The following GNAO1 variants were observed in gnomAD, a reference collection of about 807,000 sequenced individuals.
The protein encoded by GNAO1 is guanine nucleotide-binding protein G(o) subunit alpha.
For synonymous variants in GNAO1, 164 were observed against 180.7 expected (o/e 0.91, Z 0.74); for missense variants, 166 against 478.7 (o/e 0.35, Z 6.10).
intron 2 of GNAO1, among the ~76,000 whole-genome samples, chr16:56,215,576 G>T (rs2036430246): frequency 1.3e-5 from 2 of 152,124 alleles, no homozygotes; most frequent in African/African-American, 4.8e-5. Context: ...AGATAATTGT[G>T]GTTGTTATTG....
intron 4 of GNAO1, among the ~76,000 whole-genome samples, chr16:56,331,404 G>A (rs1171052978): frequency 2.6e-5 from 4 of 152,140 alleles, no homozygotes; most frequent in Admixed American, 6.5e-5. Context: ...GGCGTCCGAC[G>A]TTTCCTCTCC....
chr16:56,224,110 G>C (rs1258129559), intron 2 of GNAO1, among the ~76,000 whole-genome samples: 1 of 152,192 alleles, frequency 6.6e-6, no homozygotes, highest in Non-Finnish European at 1.5e-5. Flanking sequence ...GCCAGTGCCT[G>C]TCTGGCCAGT....
At chr16:56,342,680 A>G (rs1179065836) in intron 6 of GNAO1, among the ~76,000 whole-genome samples, 1 of 152,228 alleles carries the variant, frequency 6.6e-6, no homozygotes, top group Non-Finnish European at 1.5e-5. Flanking sequence ...ACAGGAGGTG[A>G]TATCAAGGCC....
At position 56,194,327 on chromosome 16, in the gene GNAO1, G is replaced by A. The variant is rs1391560211; in HGVS notation, c.161+1711G>A. ...ACAAGGTGCATGTTGCATCTGTCTG[G>A]AGCCCTTGCAGATCTGTAAATGCAA... On this transcript the variant is annotated intron_variant, in intron 2 of 8. Coordinates refer to ENST00000262493, the MANE Select transcript of GNAO1 (RefSeq NM_020988.3). 21 of 452,506 alleles carry A rather than the reference G, an allele frequency of 4.6e-5. No individual in the cohort carries two copies. In the East Asian group the frequency reaches 1.5e-3, roughly 32 times the overall value. The allele number at this position is 452,506 out of a possible 1,614,324, so 28.0% of individuals were successfully genotyped here.
In GNAO1 at chr16:56,326,727, A is replaced by G. The variant is rs1164000322; in HGVS notation, c.304-1904A>G. Among the ~76,000 whole-genome samples the G allele has an allele frequency of 1.3e-5, 2 of 152,234 alleles. No individual in the cohort carries two copies. Among genetic ancestry groups the G allele is most frequent in the African/African-American group, 4.8e-5 (2 of 41,462 alleles). ...GCACCGACTCAAACTGCAGCCAGCT[A>G]TACACCTGAGGCAGTGAGCTCCATG... On this transcript the variant is annotated intron_variant, in intron 3 of 8. Transcript: ENST00000262493. The surrounding 1 kb of genome is among the most constrained non-coding windows in gnomAD (Gnocchi z 4.8).
chr16:56,287,931 C>T (rs559717829), intron 3 of GNAO1, among the ~76,000 whole-genome samples: 7 of 152,266 alleles, frequency 4.6e-5, no homozygotes, highest in African/African-American at 1.2e-4. Context: ...ACTGAGATGG[C>T]GCGCTGCATA....
At chr16:56,355,127 C>CAT in intron 8 of GNAO1, 46 bp downstream of exon 8, 2 of 162,556 alleles carry the variant, frequency 1.2e-5, no homozygotes. Flanking sequence ...CGCGCGCATA[C>CAT]ACACACACAC....
intron 3 of GNAO1, among the ~76,000 whole-genome samples, chr16:56,280,028 G>A (rs1386939220): frequency 6.6e-6 from 1 of 152,232 alleles, no homozygotes; most frequent in Non-Finnish European, 1.5e-5. Context: ...AGAAAAAAAG[G>A]CAAAGTGCCT....
intron 2 of GNAO1, among the ~76,000 whole-genome samples, chr16:56,222,227 T>TGGGA (rs1371869786): frequency 1.4e-5 from 2 of 139,990 alleles, no homozygotes; most frequent in African/African-American, 2.6e-5. Context: ...AGCATGTCAG[T>TGGGA]GGGAGGGAGG....
At chr16:56,250,282 G>T (rs2036788031) in intron 2 of GNAO1, among the ~76,000 whole-genome samples, 1 of 152,042 alleles carries the variant, frequency 6.6e-6, no homozygotes, top group South Asian at 2.1e-4. Flanking sequence ...GCTTACCAGG[G>T]GTCTTCAGAC....
chr16:56,306,061 T>A (rs1293251297), intron 3 of GNAO1, among the ~76,000 whole-genome samples: 2 of 152,254 alleles, frequency 1.3e-5, no homozygotes, highest in African/African-American at 2.4e-5. Flanking sequence ...TCCTCTGAGA[T>A]GAAGCTCGTG....
At chr16:56,220,026 A>G in intron 2 of GNAO1, among the ~76,000 whole-genome samples, 1 of 152,182 alleles carries the variant, frequency 6.6e-6, no homozygotes, top group South Asian at 2.1e-4. Flanking sequence ...AGCCCCAGAA[A>G]TGTCAACAGA....
intron 2 of GNAO1, among the ~76,000 whole-genome samples, chr16:56,257,759 G>A (rs1003107385): frequency 1.8e-4 from 28 of 152,210 alleles, no homozygotes; most frequent in African/African-American, 6.8e-4. Context: ...TATTCTACCT[G>A]AAACGTGAGG....
intron 2 of GNAO1, among the ~76,000 whole-genome samples, chr16:56,224,005 A>C (rs1298336804): frequency 6.6e-6 from 1 of 152,204 alleles, no homozygotes; most frequent in East Asian, 1.9e-4. Flanking sequence ...GAAGAGGTCA[A>C]GTTCAAGCCT....
Position 56,354,997 on chromosome 16 carries a change from G to A in GNAO1, c.1009G>A (p.Asp337Asn). Residue 337 changes from aspartate (D) to asparagine (N), a missense_variant, in exon 8 of 9, where the codon GAC (aspartate) becomes AAC (asparagine). By Grantham distance (23) the Asp-to-Asn change is conservative (BLOSUM62 1). Coordinates refer to ENST00000262493, the MANE Select transcript of GNAO1 (RefSeq NM_020988.3). This position sits in a 1 kb window ranked among gnomAD's most constrained non-coding sequence, Gnocchi z 4.3. Reference sequence around the variant, plus strand: ...CACGAATAACATCCAGGTGGTGTTCGACGCCGTCACCGACATCATCATTGC... The same window carrying A: ...CACGAATAACATCCAGGTGGTGTTCAACGCCGTCACCGACATCATCATTGC... ...TDTNNIQVVF[D>N]AVTDIIIANN... The A allele has an allele frequency of 1.9e-6, 3 of 1,613,628 alleles. No homozygotes were observed. The highest frequency in any genetic ancestry group is 1.7e-6 in the Non-Finnish European group (2 of 1,179,694).
Position 56,351,184 on chromosome 16 carries a change from C to CGACAT in GNAO1, c.724-196_724-192dup, listed in dbSNP as rs1352324046. Among the ~76,000 whole-genome samples, 9 of 152,166 alleles carry CGACAT rather than the reference C, an allele frequency of 5.9e-5. No individual in the cohort carries two copies. The highest frequency in any genetic ancestry group is 2.2e-4 in the African/African-American group (9 of 41,434). On this transcript the variant is annotated intron_variant, in intron 6 of 8. Transcript: ENST00000262493. The surrounding 1 kb of genome is among the most constrained non-coding windows in gnomAD (Gnocchi z 6.1). ...CCAGTCCAGTCTCTGCCTCTGGCCC[C>CGACAT]GACATGACGGGTTCTCCGGAAGCAG...
intron 3 of GNAO1, among the ~76,000 whole-genome samples, chr16:56,292,105 C>T (rs550110744): frequency 2.2e-4 from 33 of 152,356 alleles, no homozygotes; most frequent in African/African-American, 7.7e-4. Flanking sequence ...CATTCCCCAT[C>T]AGCGTTCCCC....
chr16:56,269,193 G>C (rs1167708178), intron 2 of GNAO1, among the ~76,000 whole-genome samples: 1 of 152,146 alleles, frequency 6.6e-6, no homozygotes, highest in African/African-American at 2.4e-5. Context: ...GTGTTCATTT[G>C]GTAAATGGTA....
intron 3 of GNAO1, among the ~76,000 whole-genome samples, chr16:56,321,171 C>T (rs1338992543): frequency 1.3e-5 from 2 of 152,108 alleles, no homozygotes; most frequent in East Asian, 1.9e-4. Flanking sequence ...TAGCCTTGGC[C>T]GACTAGGGGG....
Sources: gnomAD v4.1 joint callset for allele counts (sites outside exome capture counted in the v4.1 genomes callset) on GRCh38, gnomAD v4.1.1 for gene constraint, Gnocchi (gnomAD v3.1) non-coding constraint, MANE v1.5 for transcripts, NCBI Gene and HGNC (gene_info 2026-07-23, HGNC 2026-07-21) for gene names.